Variants in INPP4A observed in about 807,000 individuals in gnomAD.
INPP4A encodes the protein inositol polyphosphate-4-phosphatase, type I, 107kD.
Under a neutral mutation model 119.8 loss-of-function variants are expected in INPP4A, and 33 were observed. The observed-to-expected ratio is 0.28, with a 90% CI of 0.21 to 0.37. The LOEUF is 0.37. Ranked by LOEUF, INPP4A falls within the 10% of genes least tolerant of loss-of-function variation. INPP4A has a pLI of 1.00. For synonymous variants in INPP4A, 496 were observed against 500.7 expected, an observed-to-expected ratio of 0.99 and a Z score of 0.12; for missense variants, 956 against 1,289.9, an observed-to-expected ratio of 0.74 and a Z score of 3.97.
chr2:98,556,294 CTT>C (rs1694478425), intron 16 of INPP4A, among the ~76,000 whole-genome samples: 1 of 152,204 alleles, frequency 6.6e-6, no homozygotes, highest in African/African-American at 2.4e-5. Flanking sequence ...TGGGCACTCT[CTT>C]ATGCAGCAGA....
chr2:98,535,737 CA>C lies in INPP4A; in HGVS notation c.281del (p.Asn94IlefsTer5). 2 of 1,503,900 alleles carry C rather than the reference CA, an allele frequency of 1.3e-6. No individual in the cohort carries two copies. Among genetic ancestry groups the C allele is most frequent in the Non-Finnish European group, 1.8e-6 (2 of 1,091,284 alleles). The allele number at this position is 1,503,900 out of a possible 1,614,324, so 93.2% of individuals were successfully genotyped here. ...TTCCTTTTCTGTTCTAGGGAACCAA[CA>C]ATCCTATATTTCTAAGCAGTATTGC... ...AQTEIIEGTN[N>X]PIFLSSIAFF... On this transcript the variant is annotated frameshift_variant, in exon 6 of 25. Coordinates refer to ENST00000409851, the MANE Select transcript of INPP4A (RefSeq NM_001134225.2). LOFTEE classifies it high-confidence loss of function.
intron 4 of INPP4A, among the ~76,000 whole-genome samples, chr2:98,525,357 C>G (rs944063431): frequency 3.9e-5 from 6 of 152,128 alleles, no homozygotes; most frequent in African/African-American, 1.4e-4. Flanking sequence ...TTTTTAAGGG[C>G]TCCTGTGATA....
chr2:98,490,079 C>T (rs1008775190), intron 1 of INPP4A, among the ~76,000 whole-genome samples: 5 of 151,524 alleles, frequency 3.3e-5, no homozygotes, highest in Admixed American at 6.6e-5. Context: ...AGAGGTGCTC[C>T]GGGTCTGGGT....
At chr2:98,521,840 G>A (rs1687258031) in intron 4 of INPP4A, 2 of 152,098 alleles carry the variant, frequency 1.3e-5, no homozygotes, top group African/African-American at 4.8e-5. Flanking sequence ...GGAGGCTGAG[G>A]TGGAAGGAGC....
intron 4 of INPP4A, chr2:98,521,504 G>A (rs1340738425): frequency 6.6e-6 from 1 of 152,194 alleles, no homozygotes. Context: ...CCTGCCACTC[G>A]ACCTTGCTGG....
chr2:98,569,215 G>A lies in INPP4A; in HGVS notation c.2518+547G>A. 1 of 154,878 alleles carries A rather than the reference G, an allele frequency of 6.5e-6. No homozygotes were observed. The highest frequency in any genetic ancestry group is 1.4e-5 in the Non-Finnish European group (1 of 69,678). The allele number at this position is 154,878 out of a possible 1,614,324, so 9.6% of individuals were successfully genotyped here. The stretch of plus-strand genomic sequence containing the variant: ...AGAACTAAGGGAGGAACCGAGAGCT[G>A]CACAGCACTGTCTACGAGAATTCCC... On this transcript the variant is annotated intron_variant, in intron 22 of 24. Transcript: ENST00000409851. This position sits in a 1 kb window ranked among gnomAD's most constrained non-coding sequence, Gnocchi z 5.1.
intron 2 of INPP4A, chr2:98,519,433 C>T (rs1292935397): frequency 2.6e-5 from 4 of 152,378 alleles, no homozygotes. Context: ...AGCCTGAGAC[C>T]CAGACACACG....
chr2:98,561,717 T>G (rs1163137714), intron 17 of INPP4A, among the ~76,000 whole-genome samples: 1 of 152,328 alleles, frequency 6.6e-6, no homozygotes, highest in Middle Eastern at 3.4e-3. Context: ...ATTTTCAGAT[T>G]AAAATAATCA....
At chr2:98,515,209 C>T (rs1685881401) in intron 1 of INPP4A, among the ~76,000 whole-genome samples, 1 of 152,212 alleles carries the variant, frequency 6.6e-6, no homozygotes, top group Non-Finnish European at 1.5e-5. Context: ...CCTCACTGAT[C>T]TATGATTTTA....
chr2:98,593,285 GC>G lies in INPP4A; in HGVS notation c.*5679del, dbSNP rs1346981301. 3.9e-5 allele frequency: 6 copies of G among 152,568 alleles called. No homozygotes were observed. The East Asian group carries it at 1.2e-3, about 29-fold the overall frequency. The allele number at this position is 152,568 out of a possible 1,614,324, so 9.5% of individuals were successfully genotyped here. A position where few individuals can be genotyped will look rare whatever the true frequency, so the allele number is the denominator to read the frequency against. ...GCATCTCCATGGCTCCAAAGAGGAT[GC>G]CTGTGTTAGATGGATGTAGACAGAC... is the stretch of plus-strand genomic sequence containing the variant. On this transcript the variant is annotated 3_prime_UTR_variant, in exon 25 of 25. Coordinates refer to ENST00000409851, the MANE Select transcript of INPP4A (RefSeq NM_001134225.2).
At chr2:98,575,442 T>G (rs1698253796) in intron 23 of INPP4A, among the ~76,000 whole-genome samples, 1 of 152,254 alleles carries the variant, frequency 6.6e-6, no homozygotes, top group African/African-American at 2.4e-5. Context: ...ACATACCAAG[T>G]TCACTCTTGC....
At chr2:98,574,283 C>CT (rs1698029952) in intron 23 of INPP4A, among the ~76,000 whole-genome samples, 2 of 152,080 alleles carry the variant, frequency 1.3e-5, no homozygotes, top group Admixed American at 1.3e-4. Context: ...GTGACAGCCT[C>CT]TTACCTAAGT....
intron 22 of INPP4A, among the ~76,000 whole-genome samples, chr2:98,571,594 A>G (rs1697462596): frequency 1.3e-5 from 2 of 152,238 alleles, no homozygotes; most frequent in South Asian, 4.1e-4. Flanking sequence ...TGGACCACGC[A>G]GGCAGGAACT....
At chr2:98,577,168 G>T in intron 24 of INPP4A, 25 bp downstream of exon 24, 1 of 1,550,340 alleles carries the variant, frequency 6.5e-7, no homozygotes, top group Non-Finnish European at 8.7e-7. Flanking sequence ...CAGGCCGCGC[G>T]CCCCGCCTGC....
chr2:98,525,772 A>G (rs1010119173), intron 4 of INPP4A, among the ~76,000 whole-genome samples: 7 of 152,274 alleles, frequency 4.6e-5, no homozygotes, highest in Admixed American at 3.3e-4. Flanking sequence ...AGCATAAGTC[A>G]TCATGTAACC....
chr2:98,535,102 G>A (rs1689989802), intron 5 of INPP4A, among the ~76,000 whole-genome samples: 1 of 152,212 alleles, frequency 6.6e-6, no homozygotes, highest in Non-Finnish European at 1.5e-5. Flanking sequence ...TGGTGGCTGT[G>A]ATAATTACCT....
At chr2:98,585,601 G>T (rs181781465) in intron 24 of INPP4A, among the ~76,000 whole-genome samples, 2 of 152,170 alleles carry the variant, frequency 1.3e-5, no homozygotes, top group African/African-American at 4.8e-5. Flanking sequence ...TGCATGCCTC[G>T]CCCCGGGCCC....
intron 1 of INPP4A, among the ~76,000 whole-genome samples, chr2:98,464,844 G>GTCCA (rs1674413894): frequency 6.6e-6 from 1 of 152,214 alleles, no homozygotes; most frequent in Non-Finnish European, 1.5e-5. Flanking sequence ...GAGAGTCCTT[G>GTCCA]GACAACCTTG....
At chr2:98,448,046 C>CAAAAAA (rs35998148) in intron 1 of INPP4A, among the ~76,000 whole-genome samples, 3 of 64,202 alleles carry the variant, frequency 4.7e-5, no homozygotes, top group Non-Finnish European at 9.2e-5. Flanking sequence ...GACTCTGTCT[C>CAAAAAA]AAAAAAAAAA....
Sources: allele counts gnomAD v4.1 joint callset (sites outside exome capture counted in the v4.1 genomes callset), GRCh38; gene constraint gnomAD v4.1.1; non-coding constraint Gnocchi (gnomAD v3.1); transcripts MANE v1.5; gene names NCBI Gene and HGNC (gene_info 2026-07-23, HGNC 2026-07-21).